Variants in PDCD6IP observed in about 807,000 individuals in gnomAD.
PDCD6IP encodes programmed cell death 6-interacting protein.
PDCD6IP carries 43 observed loss-of-function variants against 103.7 expected under a neutral mutation model. The observed-to-expected ratio is 0.41, with a 90% CI of 0.32 to 0.53. The LOEUF is 0.53. PDCD6IP is among the 20% of genes least tolerant of loss of function. The pLI is 0.16. For missense variants in PDCD6IP, 871 were observed against 1,036.7 expected (o/e 0.84, Z 2.20); for synonymous variants, 354 against 378.7 (o/e 0.93, Z 0.76).
chr3:33,829,631 G>A (rs1575920633), intron 7 of PDCD6IP, among the ~76,000 whole-genome samples: 2 of 152,228 alleles, frequency 1.3e-5, no homozygotes, highest in East Asian at 3.9e-4. Context: ...AGCAAGAGCT[G>A]TTTGTATGAG....
intron 12 of PDCD6IP, among the ~76,000 whole-genome samples, chr3:33,845,812 A>G (rs1697580487): frequency 1.3e-5 from 2 of 152,182 alleles, no homozygotes; most frequent in Non-Finnish European, 2.9e-5. Flanking sequence ...CCTTTTTTGA[A>G]CTAAATTTTA....
At chr3:33,863,510 G>T (rs1193893775) in intron 15 of PDCD6IP, among the ~76,000 whole-genome samples, 2 of 152,120 alleles carry the variant, frequency 1.3e-5, no homozygotes, top group African/African-American at 2.4e-5. Context: ...AGGAGAACAT[G>T]CAATATTTGT....
chr3:33,847,860 C>T lies in PDCD6IP; in HGVS notation c.1641+2272C>T, dbSNP rs139014602. ...CTATGGTTGGCTGGCCAAGCCTTGG[C>T]CCTAATGTATATGGGGCTGAGTCTA... On this transcript the variant is annotated intron_variant, in intron 12 of 17. Transcript: ENST00000307296. Among the ~76,000 whole-genome samples the T allele has an allele frequency of 4.3e-4, 66 of 152,166 alleles. 1 individual carries two copies. Among genetic ancestry groups the T allele is most frequent in the Middle Eastern group, 3.4e-3 (1 of 294 alleles).
chr3:33,855,401 C>T, intron 15 of PDCD6IP, 141 bp downstream of exon 15: 1 of 516,396 alleles, frequency 1.9e-6, no homozygotes, highest in Non-Finnish European at 3.5e-6. Context: ...GAGTATTTTA[C>T]AAAGCAACAA....
At chr3:33,834,696 G>A (rs1379913578) in intron 7 of PDCD6IP, among the ~76,000 whole-genome samples, 3 of 152,182 alleles carry the variant, frequency 2.0e-5, no homozygotes, top group Non-Finnish European at 1.5e-5. Flanking sequence ...AATTATATAA[G>A]TAGATTTTCT....
chr3:33,863,988 C>T lies in PDCD6IP; in HGVS notation c.2121-18C>T, dbSNP rs1394584514. Reference sequence around the variant, plus strand: ...TTTTTTCTATCATGTTAATTTTTAACACTCTGTCTTTGATAAGGGACTTGC... The same window carrying T: ...TTTTTTCTATCATGTTAATTTTTAATACTCTGTCTTTGATAAGGGACTTGC... On this transcript the variant is annotated intron_variant, in intron 15 of 17. Coordinates refer to ENST00000307296, the MANE Select transcript of PDCD6IP (RefSeq NM_013374.6). 2 of 1,557,464 alleles carry T rather than the reference C, an allele frequency of 1.3e-6. No homozygotes were observed. The highest frequency in any genetic ancestry group is 1.4e-5 in the African/African-American group (1 of 73,770).
At chr3:33,828,711 C>A in intron 6 of PDCD6IP, 142 bp from the exon 7 acceptor site, 1 of 707,906 alleles carries the variant, frequency 1.4e-6, no homozygotes, top group Non-Finnish European at 2.2e-6. Flanking sequence ...TCTGTTTACA[C>A]CTAATGACTA....
At chr3:33,817,390 A>AT (rs1222089790) in intron 3 of PDCD6IP, among the ~76,000 whole-genome samples, 7 of 152,258 alleles carry the variant, frequency 4.6e-5, no homozygotes, top group Admixed American at 1.3e-4. Context: ...ATTTTTAATT[A>AT]TTTTTTTGTA....
Position 33,859,715 on chromosome 3 carries a change from T to C in PDCD6IP, c.2121-4291T>C, listed in dbSNP as rs142794660. On this transcript the variant is annotated intron_variant, in intron 15 of 17. Coordinates refer to ENST00000307296, the MANE Select transcript of PDCD6IP (RefSeq NM_013374.6). ...ATGTTGGAGAAATAGATTTCATACA[T>C]TGCCGTGAGAATACCCAATGGTGCA... Among the ~76,000 whole-genome samples, 1,062 of 152,326 alleles carry C rather than the reference T, an allele frequency of 7.0e-3. 8 individuals carry two copies. Among genetic ancestry groups the C allele is most frequent in the Middle Eastern group, 0.024 (7 of 294 alleles).
At chr3:33,849,046 G>A (rs554120658) in intron 12 of PDCD6IP, among the ~76,000 whole-genome samples, 2 of 152,320 alleles carry the variant, frequency 1.3e-5, no homozygotes, top group East Asian at 3.9e-4. Flanking sequence ...AGTTAAAAGA[G>A]TTGCAACAGA....
At chr3:33,821,176 ATTT>A (rs201181955) in intron 3 of PDCD6IP, among the ~76,000 whole-genome samples, 1 of 144,276 alleles carries the variant, frequency 6.9e-6, no homozygotes, top group Non-Finnish European at 1.5e-5. Context: ...TTTAAAAACA[ATTT>A]TTTTTTTTTT....
chr3:33,806,815 A>G (rs1203429244), intron 1 of PDCD6IP, among the ~76,000 whole-genome samples: 2 of 152,226 alleles, frequency 1.3e-5, no homozygotes, highest in Non-Finnish European at 2.9e-5. Context: ...ATTATATTGA[A>G]GGAGTAGCTT....
intron 15 of PDCD6IP, among the ~76,000 whole-genome samples, chr3:33,858,003 T>A (rs949763842): frequency 3.3e-5 from 5 of 152,122 alleles, no homozygotes; most frequent in Non-Finnish European, 7.4e-5. Flanking sequence ...ACTAGCACTA[T>A]TTACAGACAT....
Position 33,836,242 on chromosome 3 carries a change from G to A in PDCD6IP, c.1033G>A (p.Val345Ile). The change falls in exon 8 of 18, where the codon GTA (valine) becomes ATA (isoleucine). Residue 345 changes from valine to isoleucine, a missense_variant. Transcript: ENST00000307296. Reference sequence around the variant, plus strand: ...ACTTGTGAAATCTACCCCGGTCAATGTACCCATCAGTCAGAAATTTACTGG... The same window carrying A: ...ACTTGTGAAATCTACCCCGGTCAATATACCCATCAGTCAGAAATTTACTGG... ...ATLVKSTPVN[V>I]PISQKFTDLF... 3 of 1,604,920 alleles carry A rather than the reference G, an allele frequency of 1.9e-6. No individual in the cohort carries two copies. The highest frequency in any genetic ancestry group is 2.6e-6 in the Non-Finnish European group (3 of 1,172,026).
intron 12 of PDCD6IP, among the ~76,000 whole-genome samples, chr3:33,852,114 C>A (rs113517855): frequency 0.021 from 3,149 of 152,278 alleles, 94 homozygotes; most frequent in African/African-American, 0.071. Flanking sequence ...AGCTGTATAA[C>A]CATGTCACTT....
chr3:33,836,075 C>A lies in PDCD6IP; in HGVS notation c.866C>A (p.Ser289Tyr), dbSNP rs1165504805. 4.3e-6 allele frequency: 7 copies of A among 1,609,930 alleles called. No individual in the cohort carries two copies. Among genetic ancestry groups the A allele is most frequent in the Non-Finnish European group, 5.9e-6 (7 of 1,176,614 alleles). Residue 289 changes from serine to tyrosine, a missense_variant, in exon 8 of 18, where the codon TCT becomes TAT. Physicochemically the swap from Ser to Tyr is moderately radical, Grantham distance 144 (BLOSUM62 -2). This residue lies in a region of PDCD6IP where 242 missense variants were observed against 250.7 expected (regional missense o/e 0.97). Coordinates refer to ENST00000307296, the MANE Select transcript of PDCD6IP (RefSeq NM_013374.6). Reference sequence around the variant, plus strand: ...GCAGAACTGATTAAAACAGTGGCATCTCGCTATGATGAATATGTTAATGTG... The same window carrying A: ...GCAGAACTGATTAAAACAGTGGCATATCGCTATGATGAATATGTTAATGTG... ...HAAELIKTVA[S>Y]RYDEYVNVKD... is the part of the protein sequence containing the mutation.
intron 1 of PDCD6IP, among the ~76,000 whole-genome samples, chr3:33,800,615 A>AT (rs532513865): frequency 2.6e-5 from 4 of 152,180 alleles, no homozygotes; most frequent in African/African-American, 7.2e-5. Flanking sequence ...TAGCATAAGC[A>AT]TTTTTTTTAA....
chr3:33,826,591 G>C lies in PDCD6IP; in HGVS notation c.717+11G>C. The C allele has an allele frequency of 1.2e-6, 2 of 1,610,710 alleles. No individual in the cohort carries two copies. The highest frequency in any genetic ancestry group is 1.7e-6 in the Non-Finnish European group (2 of 1,177,654). ...GATACTCTCCCCAAGGTCAGTTATT[G>C]TTTTTATAAACACTTGCTTACTTTG... On this transcript the variant is annotated intron_variant, in intron 6 of 17. Transcript: ENST00000307296.
At chr3:33,801,382 G>T (rs1019767015) in intron 1 of PDCD6IP, among the ~76,000 whole-genome samples, 1 of 152,154 alleles carries the variant, frequency 6.6e-6, no homozygotes, top group Admixed American at 6.5e-5. Context: ...GATAAGTCCT[G>T]ATATGCAGCT....
Sources: gnomAD v4.1 joint callset for allele counts (sites outside exome capture counted in the v4.1 genomes callset) on GRCh38, gnomAD v4.1.1 for gene constraint, gnomAD v4.1.1 regional missense constraint, MANE v1.5 for transcripts, NCBI Gene and HGNC (gene_info 2026-07-23, HGNC 2026-07-21) for gene names.